Variants in TFDP1 observed in about 807,000 individuals in gnomAD.
The protein encoded by TFDP1 is DRTF1-polypeptide 1.
In TFDP1, 6 loss-of-function variants were observed where a neutral mutation model predicts 48.0. The ratio of observed to expected loss-of-function variants is 0.13; its 90% confidence interval spans 0.07 to 0.25. TFDP1 has a LOEUF of 0.25. TFDP1 is among the 10% of genes least tolerant of loss of function. The pLI is 1.00. For synonymous variants in TFDP1, 201 were observed against 211.6 expected, an observed-to-expected ratio of 0.95 and a Z score of 0.44; for missense variants, 335 against 543.0, an observed-to-expected ratio of 0.62 and a Z score of 3.81.
chr13:113,636,157 G>A lies in TFDP1; in HGVS notation c.839+29G>A, dbSNP rs199718483. The A allele has an allele frequency of 2.5e-3, 3,981 of 1,610,666 alleles. 11 individuals carry two copies. The highest frequency in any genetic ancestry group is 3.2e-3 in the Non-Finnish European group (3,795 of 1,178,108). ...GGTTGTGGGCGGGGAGCTGTTCCCT[G>A]GTCACCCATCTCTTTTTTAGGGAGC... On this transcript the variant is annotated intron_variant, in intron 9 of 11. Coordinates refer to ENST00000375370, the MANE Select transcript of TFDP1 (RefSeq NM_007111.5).
rs145073994 is a variant in TFDP1, at chr13:113,598,099, A to C, written c.12+12250A>C. On this transcript the variant is annotated intron_variant, in intron 2 of 11. Transcript: ENST00000375370. This position sits in a 1 kb window ranked among gnomAD's most constrained non-coding sequence, Gnocchi z 4.2. The stretch of plus-strand genomic sequence containing the variant: ...GTTGTCATCAAGAGTGCAGAATCCA[A>C]CTGTGTTGGGAGCCACTTGCTGGTG... Among the ~76,000 whole-genome samples, 1 of 152,104 alleles carries C rather than the reference A, an allele frequency of 6.6e-6. No individual in the cohort carries two copies.
At chr13:113,603,273 C>A (rs1194420661) in intron 2 of TFDP1, among the ~76,000 whole-genome samples, 1 of 152,212 alleles carries the variant, frequency 6.6e-6, no homozygotes, top group South Asian at 2.1e-4. Context: ...GCCCTCGCAC[C>A]CTCCTGGGTC....
intron 3 of TFDP1, among the ~76,000 whole-genome samples, chr13:113,613,071 C>T (rs2048746720): frequency 6.6e-6 from 1 of 152,196 alleles, no homozygotes; most frequent in Non-Finnish European, 1.5e-5. Context: ...GGCTGGAGTG[C>T]AGTGGCGCCG....
At chr13:113,606,472 T>A (rs904964606) in intron 2 of TFDP1, among the ~76,000 whole-genome samples, 2 of 152,080 alleles carry the variant, frequency 1.3e-5, no homozygotes, top group Non-Finnish European at 2.9e-5. Flanking sequence ...AGGGAGCCCC[T>A]TTATCAGGGC....
At chr13:113,613,819 G>A (rs1158736930) in intron 3 of TFDP1, among the ~76,000 whole-genome samples, 1 of 151,916 alleles carries the variant, frequency 6.6e-6, no homozygotes, top group Non-Finnish European at 1.5e-5. Flanking sequence ...GTGCGTGTCT[G>A]TTCATGGGTT....
intron 2 of TFDP1, among the ~76,000 whole-genome samples, chr13:113,587,052 T>A (rs1248826833): frequency 6.6e-6 from 1 of 152,198 alleles, no homozygotes; most frequent in Non-Finnish European, 1.5e-5. Context: ...CTTCTGGTGT[T>A]GTGTGGTTTC....
chr13:113,608,151 G>C (rs2048615662), intron 2 of TFDP1, among the ~76,000 whole-genome samples: 1 of 152,146 alleles, frequency 6.6e-6, no homozygotes, highest in African/African-American at 2.4e-5. Context: ...TCTTCCACAT[G>C]CCCTGCAGGC....
chr13:113,623,119 C>G lies in TFDP1; in HGVS notation c.80-61C>G, dbSNP rs574552491. Reference sequence around the variant, plus strand: ...AGCACCGTCTTGCATTTAGAATGGTCGCTTGTAGCCTTAACTTAGAAAAGG... The same window carrying G: ...AGCACCGTCTTGCATTTAGAATGGTGGCTTGTAGCCTTAACTTAGAAAAGG... On this transcript the variant is annotated intron_variant, in intron 3 of 11. Coordinates refer to ENST00000375370, the MANE Select transcript of TFDP1 (RefSeq NM_007111.5). This position sits in a 1 kb window ranked among gnomAD's most constrained non-coding sequence, Gnocchi z 5.2. 1.4e-6 allele frequency: 2 copies of G among 1,450,874 alleles called. No individual in the cohort carries two copies. Among genetic ancestry groups the G allele is most frequent in the African/African-American group, 2.8e-5 (2 of 71,062 alleles). The allele number at this position is 1,450,874 out of a possible 1,614,324, so 89.9% of individuals were successfully genotyped here. A position where few individuals can be genotyped will look rare whatever the true frequency, so the allele number is the denominator to read the frequency against.
chr13:113,609,292 A>G (rs1384365953), intron 2 of TFDP1, among the ~76,000 whole-genome samples: 3 of 152,128 alleles, frequency 2.0e-5, no homozygotes, highest in African/African-American at 7.2e-5. Context: ...TGCACATCCT[A>G]CCTCACCTGG....
rs2049040004 is a variant in TFDP1, at chr13:113,623,258, A to G, written c.158A>G (p.Gln53Arg). 4 of 1,613,090 alleles carry G rather than the reference A, an allele frequency of 2.5e-6. No homozygotes were observed. The highest frequency in any genetic ancestry group is 1.6e-4 in the Middle Eastern group (1 of 6,062). ...GKQLLPKTFG[Q>R]SNVNIAQQVV... ...CAGCTCTTGCCAAAAACCTTTGGAC[A>G]GTCCAATGTCAACATTGCCCAGCAA... Residue 53 changes from glutamine (Q) to arginine (R), a missense_variant, in exon 4 of 12, where the codon CAG becomes CGG. Gln to Arg is a conservative substitution (Grantham distance 43). Transcript: ENST00000375370. This position sits in a 1 kb window ranked among gnomAD's most constrained non-coding sequence, Gnocchi z 5.2.
intron 4 of TFDP1, among the ~76,000 whole-genome samples, chr13:113,625,758 GTGT>G (rs2049146589): frequency 9.7e-6 from 1 of 103,440 alleles, no homozygotes; most frequent in African/African-American, 4.0e-5. Flanking sequence ...CGTCTCTCAC[GTGT>G]CCTCAGGCGT....
At chr13:113,625,572 CCTCAGGTGTTT>C (rs201637163) in intron 4 of TFDP1, among the ~76,000 whole-genome samples, 1 of 73,920 alleles carries the variant, frequency 1.4e-5, no homozygotes, top group East Asian at 3.7e-4. Flanking sequence ...TCTCACGTGT[CCTCAGGTGTTT>C]CTCAGGTGTC....
chr13:113,630,396 G>C (rs1386981368), intron 4 of TFDP1, among the ~76,000 whole-genome samples: 1 of 152,140 alleles, frequency 6.6e-6, no homozygotes, highest in Admixed American at 6.5e-5. Context: ...GAGCTGACAG[G>C]TGATCTGGCC....
intron 4 of TFDP1, among the ~76,000 whole-genome samples, chr13:113,625,113 CGTGTCCTCAGGTGTCTCTCAG>C (rs2049106078): frequency 2.9e-5 from 3 of 104,128 alleles, no homozygotes; most frequent in African/African-American, 1.3e-4. Context: ...GTGTCTCTCA[CGTGTCCTCAGGTGTCTCTCAG>C]GTGTCTCTCA....
At chr13:113,611,189 C>A in intron 3 of TFDP1, 127 bp downstream of exon 3, 1 of 905,964 alleles carries the variant, frequency 1.1e-6, no homozygotes, top group Admixed American at 2.2e-5. Flanking sequence ...CCTTTGTGCT[C>A]CGGGAACCCA....
intron 11 of TFDP1, 28 bp downstream of exon 11, chr13:113,637,924 G>T: frequency 1.2e-6 from 2 of 1,608,150 alleles, no homozygotes; most frequent in Non-Finnish European, 8.5e-7. Flanking sequence ...TGTGGGAGAG[G>T]CGTCATCTGG....
In TFDP1 at chr13:113,636,060, C is replaced by A; in HGVS notation, c.771C>A (p.Ile257=). 2 of 1,614,238 alleles carry A rather than the reference C, an allele frequency of 1.2e-6. No homozygotes were observed. The highest frequency in any genetic ancestry group is 4.5e-5 in the East Asian group (2 of 44,876). The part of the protein sequence containing the change: ...ASRPPPPNSV[I]HLPFIIVNTS... ...GGCCACCGCCACCCAACTCAGTCAT[C>A]CACCTGCCCTTCATCATCGTCAACA... The change falls in exon 9 of 12, where the codon ATC becomes ATA. Residue 257 remains isoleucine, a synonymous_variant. Coordinates refer to ENST00000375370, the MANE Select transcript of TFDP1 (RefSeq NM_007111.5).
chr13:113,638,534 G>A (rs1042928196), intron 11 of TFDP1, among the ~76,000 whole-genome samples: 79 of 151,978 alleles, frequency 5.2e-4, no homozygotes, highest in African/African-American at 1.8e-3. Context: ...TTTTCAGAAC[G>A]CGTCTGCAAT....
chr13:113,610,961 TGTC>T (rs1385400549), intron 2 of TFDP1, 32 bp from the exon 3 acceptor site: 3 of 1,604,612 alleles, frequency 1.9e-6, no homozygotes, highest in Non-Finnish European at 2.6e-6. Context: ...CCCTTTTAGC[TGTC>T]ATATTTATTA....
Sources: allele counts gnomAD v4.1 joint callset (sites outside exome capture counted in the v4.1 genomes callset), GRCh38; gene constraint gnomAD v4.1.1; non-coding constraint Gnocchi (gnomAD v3.1); transcripts MANE v1.5; gene names NCBI Gene and HGNC (gene_info 2026-07-23, HGNC 2026-07-21).